Variants in UBL3 observed in about 807,000 individuals in gnomAD.
UBL3 encodes the protein ubiquitin-like protein 3.
UBL3 carries 6 observed loss-of-function variants against 18.4 expected under a neutral mutation model. The ratio of observed to expected loss-of-function variants is 0.33; its 90% CI spans 0.18 to 0.64. The LOEUF (loss-of-function observed/expected upper bound fraction) is 0.64, where lower values mean the gene tolerates loss of function less well. Ranked by LOEUF, UBL3 falls within the 30% of genes least tolerant of loss-of-function variation. UBL3 has a pLI of 0.76. For synonymous variants in UBL3, 49 were observed against 46.6 expected (o/e 1.05, Z -0.21); for missense variants, 109 against 142.9 (o/e 0.76, Z 1.21).
intron 1 of UBL3, among the ~76,000 whole-genome samples, chr13:29,815,699 T>C (rs1172471592): frequency 6.6e-6 from 1 of 152,156 alleles, no homozygotes; most frequent in Admixed American, 6.6e-5. Context: ...AAAATCTATC[T>C]AAAAGTTACC....
At chr13:29,847,824 G>A (rs948585983) in intron 1 of UBL3, among the ~76,000 whole-genome samples, 2 of 152,094 alleles carry the variant, frequency 1.3e-5, no homozygotes, top group South Asian at 2.1e-4. Flanking sequence ...GACCGCTCCC[G>A]GCAACTTCAA....
intron 1 of UBL3, among the ~76,000 whole-genome samples, chr13:29,848,081 C>A (rs891348695): frequency 2.6e-5 from 4 of 152,138 alleles, no homozygotes; most frequent in African/African-American, 9.6e-5. Flanking sequence ...CATTTAGAAT[C>A]ATTTAATTTT....
chr13:29,812,539 G>T (rs1878120654), intron 1 of UBL3, among the ~76,000 whole-genome samples: 1 of 151,970 alleles, frequency 6.6e-6, no homozygotes, highest in African/African-American at 2.4e-5. Flanking sequence ...TCCTAGGTAA[G>T]ATTTTTCTAA....
chr13:29,777,144 A>C lies in UBL3; in HGVS notation c.136+11T>G. 1 of 1,566,466 alleles carries C rather than the reference A, an allele frequency of 6.4e-7. No individual in the cohort carries two copies. Among genetic ancestry groups the C allele is most frequent in the South Asian group, 1.2e-5 (1 of 82,000 alleles). On this transcript the variant is annotated intron_variant, in intron 2 of 4. Coordinates refer to ENST00000380680, the MANE Select transcript of UBL3 (RefSeq NM_007106.4). ...AACATTATTCATACTCAAGAGAAAAATATCACTCACCCATTGGCCAATTGT... is the reference window on the plus strand; with the variant it reads ...AACATTATTCATACTCAAGAGAAAACTATCACTCACCCATTGGCCAATTGT...
At chr13:29,800,142 T>G (rs1223362578) in intron 1 of UBL3, among the ~76,000 whole-genome samples, 2 of 152,256 alleles carry the variant, frequency 1.3e-5, no homozygotes, top group Non-Finnish European at 2.9e-5. Flanking sequence ...ATTTAAGTTT[T>G]ACTTCCGCAA....
At chr13:29,806,078 G>A (rs1877890002) in intron 1 of UBL3, among the ~76,000 whole-genome samples, 1 of 152,174 alleles carries the variant, frequency 6.6e-6, no homozygotes, top group Admixed American at 6.5e-5. Context: ...TTGGGAGGCT[G>A]AGGCAGGAGA....
At position 29,849,522 on chromosome 13, in the gene UBL3, G is replaced by A; in HGVS notation, c.17C>T (p.Pro6Leu). 1 of 1,613,994 alleles carries A rather than the reference G, an allele frequency of 6.2e-7. No individual in the cohort carries two copies. Among genetic ancestry groups the A allele is most frequent in the Non-Finnish European group, 8.5e-7 (1 of 1,180,030 alleles). The change falls in exon 1 of 5, where the codon CCG (proline) becomes CTG (leucine). Residue 6 changes from proline (P) to leucine (L), a missense_variant. Pro to Leu is a moderately conservative substitution (Grantham distance 98, BLOSUM62 -3). Coordinates refer to ENST00000380680, the MANE Select transcript of UBL3 (RefSeq NM_007106.4). MSSNVPADMINLRLIL... is the reference protein window; with the variant it reads MSSNVLADMINLRLIL... Reference sequence around the variant, plus strand: ...TTATCCGTCACTTACCATATCCGCCGGGACATTACTGGACATCTTGCCGTT... The same window carrying A: ...TTATCCGTCACTTACCATATCCGCCAGGACATTACTGGACATCTTGCCGTT...
chr13:29,786,848 T>C (rs955834270), intron 1 of UBL3, among the ~76,000 whole-genome samples: 3 of 152,184 alleles, frequency 2.0e-5, no homozygotes, highest in African/African-American at 4.8e-5. Context: ...TTCCTGTTTT[T>C]ACTTGTGGAA....
At chr13:29,803,957 A>G (rs186636469) in intron 1 of UBL3, among the ~76,000 whole-genome samples, 1 of 152,158 alleles carries the variant, frequency 6.6e-6, no homozygotes, top group Non-Finnish European at 1.5e-5. Context: ...ACATCTACAG[A>G]ACTCTTCACC....
intron 1 of UBL3, among the ~76,000 whole-genome samples, chr13:29,832,479 CCCA>C (rs1878806660): frequency 6.6e-6 from 1 of 151,952 alleles, no homozygotes; most frequent in East Asian, 1.9e-4. Context: ...ACTACAGGAC[CCCA>C]CCACCGCGCC....
chr13:29,840,188 C>A (rs548225442), intron 1 of UBL3, among the ~76,000 whole-genome samples: 2 of 151,776 alleles, frequency 1.3e-5, no homozygotes, highest in South Asian at 4.2e-4. Context: ...CTACAAATAC[C>A]AAAACAATTA....
chr13:29,778,755 T>C (rs1877067378), intron 1 of UBL3, among the ~76,000 whole-genome samples: 1 of 152,240 alleles, frequency 6.6e-6, no homozygotes, highest in Non-Finnish European at 1.5e-5. Flanking sequence ...TGATAATTTA[T>C]TATTTGAAAA....
chr13:29,812,265 G>A (rs1292529679), intron 1 of UBL3, among the ~76,000 whole-genome samples: 8 of 151,964 alleles, frequency 5.3e-5, no homozygotes, highest in Admixed American at 5.3e-4. Context: ...TTCAGGCTGG[G>A]AATGTTGAAT....
At chr13:29,835,879 C>T (rs1240518810) in intron 1 of UBL3, among the ~76,000 whole-genome samples, 1 of 150,432 alleles carries the variant, frequency 6.6e-6, no homozygotes, top group Admixed American at 6.6e-5. Context: ...ACAATTAAAG[C>T]ATAGCAAATC....
chr13:29,767,437 A>G (rs1201054558), intron 4 of UBL3, 130 bp from the exon 5 acceptor site: 1 of 1,257,480 alleles, frequency 8.0e-7, no homozygotes, highest in Non-Finnish European at 1.1e-6. Context: ...AAAATTAAGA[A>G]GCTGTAATAA....
At chr13:29,807,832 T>A (rs1291659508) in intron 1 of UBL3, among the ~76,000 whole-genome samples, 1 of 152,214 alleles carries the variant, frequency 6.6e-6, no homozygotes, top group Non-Finnish European at 1.5e-5. Flanking sequence ...CCAAAATATT[T>A]ACAAAGGCTA....
chr13:29,830,863 T>C (rs901928342), intron 1 of UBL3, among the ~76,000 whole-genome samples: 1 of 152,214 alleles, frequency 6.6e-6, no homozygotes, highest in East Asian at 1.9e-4. Context: ...AAGAATTATA[T>C]TAAAAACACT....
At chr13:29,835,145 T>TAA (rs1566001115) in intron 1 of UBL3, among the ~76,000 whole-genome samples, 11 of 14,242 alleles carry the variant, frequency 7.7e-4, no homozygotes, top group Non-Finnish European at 1.2e-3. Context: ...TATATATATA[T>TAA]ATATATATAT....
intron 1 of UBL3, among the ~76,000 whole-genome samples, chr13:29,805,567 A>G (rs1877879789): frequency 6.6e-6 from 1 of 152,158 alleles, no homozygotes; most frequent in South Asian, 2.1e-4. Context: ...TTTTAATAAA[A>G]AATAGTCTCC....
Sources: gnomAD v4.1 joint callset for allele counts (sites outside exome capture counted in the v4.1 genomes callset) on GRCh38, gnomAD v4.1.1 for gene constraint, MANE v1.5 for transcripts, NCBI Gene and HGNC (gene_info 2026-07-23, HGNC 2026-07-21) for gene names.